SGCZ: variants seen among roughly 807,000 people sequenced by gnomAD.
SGCZ encodes the protein zeta-sarcoglycan.
Under a neutral mutation model 41.3 loss-of-function variants are expected in SGCZ, and 40 were observed. That is an observed-to-expected ratio of 0.97 (90% confidence interval 0.75 to 1.26). The LOEUF (loss-of-function observed/expected upper bound fraction) is 1.26, where lower values mean the gene tolerates loss of function less well. Among genes scored for constraint, SGCZ ranks in the 50% most tolerant of loss-of-function variants. The probability of loss-of-function intolerance (pLI) is 0.00; values close to 1 mark genes in which losing one functional copy is unlikely to be tolerated. For synonymous variants in SGCZ, 206 were observed against 137.5 expected (o/e 1.50, Z -3.49); for missense variants, 552 against 369.8 (o/e 1.49, Z -4.04).
Position 15,097,817 on chromosome 8 carries a change from TGTGTGTATATATATATAC to T in SGCZ, c.39+139750_39+139767del, listed in dbSNP as rs1563123847. Among the ~76,000 whole-genome samples the T allele has an allele frequency of 2.3e-4, 7 of 29,894 alleles. 1 individual carries two copies. The highest frequency in any genetic ancestry group is 7.1e-4 in the African/African-American group (7 of 9,868). 19.6% of individuals were successfully genotyped at this position (29,894 alleles called of 152,430 possible). ...ATATACGTGTATATATATATATACG[TGTGTGTATATATATATAC>T]GTGTGTGTATATATATATATACGTG... On this transcript the variant is annotated intron_variant, in intron 1 of 7. Transcript: ENST00000382080.
chr8:14,973,536 C>T (rs183810323), intron 1 of SGCZ, among the ~76,000 whole-genome samples: 127 of 152,196 alleles, frequency 8.3e-4, no homozygotes, highest in African/African-American at 2.9e-3. Flanking sequence ...TTGACACTAC[C>T]GTAATGAATA....
chr8:14,724,275 G>A (rs1015868069), intron 1 of SGCZ, among the ~76,000 whole-genome samples: 3 of 151,682 alleles, frequency 2.0e-5, no homozygotes, highest in African/African-American at 7.3e-5. Flanking sequence ...ACATGTATAT[G>A]TACACATATA....
chr8:14,449,842 A>G (rs1269021694), intron 2 of SGCZ, among the ~76,000 whole-genome samples: 2 of 152,196 alleles, frequency 1.3e-5, no homozygotes, highest in African/African-American at 4.8e-5. Flanking sequence ...AAGAACTGCA[A>G]CTGAGATGAA....
chr8:14,361,872 A>T (rs895838613), intron 2 of SGCZ, among the ~76,000 whole-genome samples: 2 of 151,906 alleles, frequency 1.3e-5, no homozygotes. Flanking sequence ...TTTGGTGTGG[A>T]TGTCCTTTTT....
At chr8:15,208,658 T>A (rs557531120) in intron 1 of SGCZ, among the ~76,000 whole-genome samples, 1 of 152,258 alleles carries the variant, frequency 6.6e-6, no homozygotes, top group East Asian at 1.9e-4. Flanking sequence ...AATGTGTCAG[T>A]TGAGGCATTA....
chr8:14,844,990 G>A (rs1234318470), intron 1 of SGCZ, among the ~76,000 whole-genome samples: 1 of 152,120 alleles, frequency 6.6e-6, no homozygotes, highest in African/African-American at 2.4e-5. Flanking sequence ...GAGTTTAGGT[G>A]GAAAAGGCAG....
chr8:14,237,562 T>A, intron 4 of SGCZ, 30 bp downstream of exon 4: 1 of 1,593,042 alleles, frequency 6.3e-7, no homozygotes. Context: ...CCAAGCACAG[T>A]AGGAGCAATC....
intron 1 of SGCZ, among the ~76,000 whole-genome samples, chr8:14,845,815 T>C (rs1229849790): frequency 6.6e-6 from 1 of 151,934 alleles, no homozygotes; most frequent in African/African-American, 2.4e-5. Flanking sequence ...CCAGATTACA[T>C]AAAAAGATAA....
intron 2 of SGCZ, among the ~76,000 whole-genome samples, chr8:14,469,055 G>T (rs563158581): frequency 1.3e-5 from 2 of 151,952 alleles, no homozygotes; most frequent in South Asian, 4.2e-4. Context: ...AGTTCTCCAT[G>T]CCACAACCAA....
At chr8:14,429,354 C>A (rs1176820723) in intron 2 of SGCZ, among the ~76,000 whole-genome samples, 1 of 152,090 alleles carries the variant, frequency 6.6e-6, no homozygotes, top group Admixed American at 6.6e-5. Flanking sequence ...AAAGCCTGGG[C>A]TATCAGCAGA....
chr8:14,125,121 C>G (rs187161038), intron 5 of SGCZ, among the ~76,000 whole-genome samples: 1 of 152,156 alleles, frequency 6.6e-6, no homozygotes, highest in South Asian at 2.1e-4. Flanking sequence ...GAACTACAAA[C>G]CACTGATAAA....
At chr8:15,089,940 T>C (rs534023218) in intron 1 of SGCZ, among the ~76,000 whole-genome samples, 24 of 152,330 alleles carry the variant, frequency 1.6e-4, no homozygotes, top group African/African-American at 5.3e-4. Context: ...TCACTAAATA[T>C]AGGTCAAACA....
At chr8:14,707,801 T>A (rs376441219) in intron 1 of SGCZ, among the ~76,000 whole-genome samples, 2 of 152,162 alleles carry the variant, frequency 1.3e-5, no homozygotes, top group East Asian at 3.9e-4. Flanking sequence ...ATTTTACCTG[T>A]GGCAAAATAA....
chr8:14,859,267 C>G (rs1413818036), intron 1 of SGCZ, among the ~76,000 whole-genome samples: 1 of 152,070 alleles, frequency 6.6e-6, no homozygotes, highest in Non-Finnish European at 1.5e-5. Context: ...TATTCTCAAG[C>G]TCTTAAGAGT....
chr8:15,171,329 AGT>A (rs1342880738), intron 1 of SGCZ, among the ~76,000 whole-genome samples: 3 of 152,216 alleles, frequency 2.0e-5, no homozygotes, highest in East Asian at 3.8e-4. Flanking sequence ...CCTAGAAAAA[AGT>A]GTCTCATGCT....
At chr8:14,190,632 T>C (rs919347561) in intron 4 of SGCZ, among the ~76,000 whole-genome samples, 1 of 152,088 alleles carries the variant, frequency 6.6e-6, no homozygotes, top group African/African-American at 2.4e-5. Flanking sequence ...AGATGGAGTC[T>C]CGCTCTGTCG....
At chr8:15,132,337 C>T (rs1235278472) in intron 1 of SGCZ, among the ~76,000 whole-genome samples, 1 of 152,152 alleles carries the variant, frequency 6.6e-6, no homozygotes, top group African/African-American at 2.4e-5. Context: ...CCACTGTCTT[C>T]ACAGCACAAG....
chr8:14,147,630 C>A (rs767209521), intron 5 of SGCZ, among the ~76,000 whole-genome samples: 4 of 152,082 alleles, frequency 2.6e-5, no homozygotes, highest in Non-Finnish European at 5.9e-5. Flanking sequence ...CTTTAACACC[C>A]CACTTTCAGC....
At chr8:14,770,035 T>G (rs1029744805) in intron 1 of SGCZ, among the ~76,000 whole-genome samples, 21 of 151,608 alleles carry the variant, frequency 1.4e-4, no homozygotes, top group African/African-American at 4.8e-4. Flanking sequence ...AACTTTGCAT[T>G]GTGCACCAAT....
Sources: allele counts gnomAD v4.1 joint callset (sites outside exome capture counted in the v4.1 genomes callset), GRCh38; gene constraint gnomAD v4.1.1; transcripts MANE v1.5; gene names NCBI Gene and HGNC (gene_info 2026-07-23, HGNC 2026-07-21).